Variants in CACNA2D3 observed in about 807,000 individuals in gnomAD.
The protein encoded by CACNA2D3 is voltage-dependent calcium channel subunit alpha-2/delta-3.
CACNA2D3 carries 60 observed loss-of-function variants against 160.6 expected under a neutral mutation model. That is an observed-to-expected ratio of 0.37 (90% CI 0.30 to 0.46). The LOEUF is 0.46. Ranked by LOEUF, CACNA2D3 falls within the 20% of genes least tolerant of loss-of-function variation. The probability of loss-of-function intolerance (pLI) is 1.00; values close to 1 mark genes in which losing one functional copy is unlikely to be tolerated. For synonymous variants in CACNA2D3, 558 were observed against 492.9 expected, an observed-to-expected ratio of 1.13 and a Z score of -1.75; for missense variants, 1,205 against 1,365.0, an observed-to-expected ratio of 0.88 and a Z score of 1.85.
At chr3:54,567,479 T>C (rs1559514642) in intron 6 of CACNA2D3, among the ~76,000 whole-genome samples, 1 of 151,836 alleles carries the variant, frequency 6.6e-6, no homozygotes, top group Admixed American at 6.6e-5. Context: ...TTCAGTAGGA[T>C]AGGCAGTATC....
At chr3:54,142,041 A>G (rs562083767) in intron 2 of CACNA2D3, among the ~76,000 whole-genome samples, 1 of 152,344 alleles carries the variant, frequency 6.6e-6, no homozygotes, top group East Asian at 1.9e-4. Flanking sequence ...CATGACCTGA[A>G]GACCTGCTCT....
At chr3:54,687,307 ATT>A (rs35541501) in intron 11 of CACNA2D3, among the ~76,000 whole-genome samples, 134 of 127,972 alleles carry the variant, frequency 1.0e-3, no homozygotes, top group South Asian at 2.1e-3. Flanking sequence ...AGCCTGGCTA[ATT>A]TTTTTTTTTT....
intron 17 of CACNA2D3, among the ~76,000 whole-genome samples, chr3:54,852,137 C>A (rs1484751294): frequency 1.3e-5 from 2 of 152,218 alleles, no homozygotes; most frequent in African/African-American, 4.8e-5. Flanking sequence ...CCGTGGCCAC[C>A]ACCCCTCCCT....
At chr3:54,831,799 C>T (rs1465108586) in intron 14 of CACNA2D3, among the ~76,000 whole-genome samples, 1 of 151,974 alleles carries the variant, frequency 6.6e-6, no homozygotes, top group Non-Finnish European at 1.5e-5. Context: ...CTGCCTAGGT[C>T]ATTTATGGCC....
At chr3:54,142,403 G>A in intron 2 of CACNA2D3, among the ~76,000 whole-genome samples, 1 of 152,166 alleles carries the variant, frequency 6.6e-6, no homozygotes, top group Admixed American at 6.5e-5. Flanking sequence ...GCTCTCAGTT[G>A]CTACTGCCTT....
intron 11 of CACNA2D3, among the ~76,000 whole-genome samples, chr3:54,668,687 G>A (rs959871398): frequency 5.9e-5 from 9 of 152,214 alleles, no homozygotes; most frequent in Non-Finnish European, 1.3e-4. Flanking sequence ...GTGGTAGATG[G>A]GTTTGTTACT....
Position 54,887,909 on chromosome 3 carries a change from CCCCTCTT to C in CACNA2D3, c.2057-47_2057-41del, listed in dbSNP as rs757381565. 4.2e-5 allele frequency: 60 copies of C among 1,432,838 alleles called. No homozygotes were observed. The Middle Eastern group carries it at 1.4e-3, about 34-fold the overall frequency. The allele number at this position is 1,432,838 out of a possible 1,614,324, so 88.8% of individuals were successfully genotyped here. On this transcript the variant is annotated intron_variant, in intron 23 of 37. Coordinates refer to ENST00000474759, the MANE Select transcript of CACNA2D3 (RefSeq NM_018398.3). Reference sequence around the variant, plus strand: ...AATGAGCCCATGAGTGCCTCTCATGCCCCTCTTCCAGCCCTGCTGAAGCATCCTCTTG... The same window carrying C: ...AATGAGCCCATGAGTGCCTCTCATGCCCAGCCCTGCTGAAGCATCCTCTTG...
chr3:55,034,413 C>G (rs752958245), intron 35 of CACNA2D3, among the ~76,000 whole-genome samples: 6 of 151,666 alleles, frequency 4.0e-5, no homozygotes, highest in Non-Finnish European at 8.8e-5. Flanking sequence ...TATTGTTAGT[C>G]TTTTCTTTTA....
chr3:54,529,266 C>T (rs770977852), intron 5 of CACNA2D3, among the ~76,000 whole-genome samples: 13 of 152,136 alleles, frequency 8.5e-5, no homozygotes, highest in Admixed American at 2.6e-4. Context: ...TAACAGTAGG[C>T]GTTCATGTTA....
chr3:54,437,072 A>G (rs1376523810), intron 4 of CACNA2D3, among the ~76,000 whole-genome samples: 1 of 152,178 alleles, frequency 6.6e-6, no homozygotes, highest in East Asian at 1.9e-4. Context: ...CACTATTTCA[A>G]ATTGGTAATT....
intron 10 of CACNA2D3, among the ~76,000 whole-genome samples, chr3:54,641,703 G>A (rs1316571570): frequency 6.6e-6 from 1 of 152,134 alleles, no homozygotes; most frequent in East Asian, 1.9e-4. Flanking sequence ...TTGGAATTTT[G>A]TATATTATTG....
chr3:54,654,701 C>T (rs541079206), intron 11 of CACNA2D3, among the ~76,000 whole-genome samples: 6 of 152,082 alleles, frequency 3.9e-5, no homozygotes, highest in African/African-American at 7.2e-5. Context: ...TGTGGGGATG[C>T]GAATCAGACT....
chr3:54,310,022 G>C (rs979040420), intron 2 of CACNA2D3, among the ~76,000 whole-genome samples: 20 of 151,778 alleles, frequency 1.3e-4, no homozygotes, highest in African/African-American at 3.6e-4. Flanking sequence ...TGTTCCTGTG[G>C]CTTTGACAGA....
chr3:55,021,731 A>ATT (rs57699365), intron 35 of CACNA2D3, among the ~76,000 whole-genome samples: 3 of 148,660 alleles, frequency 2.0e-5, no homozygotes, highest in Non-Finnish European at 4.5e-5. Flanking sequence ...ATATATATAT[A>ATT]GCCTTCATTC....
chr3:54,896,618 A>G (rs976039527), intron 25 of CACNA2D3, 131 bp from the exon 26 acceptor site: 86 of 1,043,256 alleles, frequency 8.2e-5, no homozygotes, highest in Non-Finnish European at 1.1e-4. Flanking sequence ...GGCCCCCTCT[A>G]TACTGAGAAA....
intron 31 of CACNA2D3, among the ~76,000 whole-genome samples, chr3:54,998,825 A>C (rs1702918681): frequency 6.6e-6 from 1 of 151,826 alleles, no homozygotes; most frequent in Non-Finnish European, 1.5e-5. Context: ...CAGCTCACTG[A>C]AAGCTCCGTC....
intron 3 of CACNA2D3, among the ~76,000 whole-genome samples, chr3:54,346,586 A>T (rs1698462091): frequency 6.6e-6 from 1 of 151,904 alleles, no homozygotes; most frequent in South Asian, 2.1e-4. Flanking sequence ...AGTACAGAGA[A>T]CCCCCATTTA....
At chr3:54,954,669 G>A (rs1701837230) in intron 27 of CACNA2D3, among the ~76,000 whole-genome samples, 1 of 152,144 alleles carries the variant, frequency 6.6e-6, no homozygotes, top group African/African-American at 2.4e-5. Flanking sequence ...CAGTTCCCCT[G>A]TTTTTCTTCC....
At chr3:54,887,900 C>T (rs1046591713) in intron 23 of CACNA2D3, 59 bp from the exon 24 acceptor site, 1 of 1,282,546 alleles carries the variant, frequency 7.8e-7, no homozygotes, top group Non-Finnish European at 1.1e-6. Flanking sequence ...CCCATGAGTG[C>T]CTCTCATGCC....
Sources: gnomAD v4.1 joint callset for allele counts (sites outside exome capture counted in the v4.1 genomes callset) on GRCh38, gnomAD v4.1.1 for gene constraint, MANE v1.5 for transcripts, NCBI Gene and HGNC (gene_info 2026-07-23, HGNC 2026-07-21) for gene names.